Variants in LDB2 observed in about 807,000 individuals in gnomAD.
LDB2 encodes the protein LIM domain binding 2.
A neutral mutation model predicts 44.3 loss-of-function variants in LDB2; 12 were observed. That is an observed-to-expected ratio of 0.27 (90% CI 0.17 to 0.44). The LOEUF (loss-of-function observed/expected upper bound fraction) is 0.44. LDB2 is among the 20% of genes least tolerant of loss of function. The probability of loss-of-function intolerance (pLI) is 1.00; values close to 1 mark genes in which losing one functional copy is unlikely to be tolerated. For synonymous variants in LDB2, 164 were observed against 174.8 expected (o/e 0.94, Z 0.49); for missense variants, 344 against 473.5 (o/e 0.73, Z 2.54).
chr4:16,811,187 G>A (rs1260554429), intron 1 of LDB2, among the ~76,000 whole-genome samples: 1 of 152,194 alleles, frequency 6.6e-6, no homozygotes, highest in East Asian at 1.9e-4. Flanking sequence ...CATGGGATGT[G>A]CTTTGCACAC....
intron 2 of LDB2, among the ~76,000 whole-genome samples, chr4:16,709,232 T>C (rs1259221040): frequency 3.3e-5 from 5 of 152,200 alleles, no homozygotes; most frequent in East Asian, 1.9e-4. Flanking sequence ...TATTCAAATA[T>C]GGTAGATGAT....
chr4:16,674,641 T>C (rs1350815081), intron 2 of LDB2, among the ~76,000 whole-genome samples: 2 of 152,222 alleles, frequency 1.3e-5, no homozygotes, highest in Admixed American at 1.3e-4. Flanking sequence ...ATTCAAACAC[T>C]GGTCCGTCTG....
At position 16,733,517 on chromosome 4, in the gene LDB2, G is replaced by A. The variant is rs373034078; in HGVS notation, c.235+25641C>T. 3.1e-4 allele frequency among the ~76,000 whole-genome samples: 47 copies of A among 152,280 alleles called. No individual in the cohort carries two copies. In the East Asian group the frequency reaches 5.4e-3, roughly 18 times the overall value. On this transcript the variant is annotated intron_variant, in intron 2 of 7. Transcript: ENST00000304523. ...TCAGGATCTGGCTGCTGACATAGCA[G>A]GCAAGGGACTCTGGGTTACAAAACC...
intron 1 of LDB2, among the ~76,000 whole-genome samples, chr4:16,892,548 G>A (rs778075832): frequency 2.0e-4 from 31 of 152,224 alleles, no homozygotes; most frequent in South Asian, 4.2e-4. Context: ...ACTTCAAAAA[G>A]ACATTGTTTT....
chr4:16,872,388 A>C (rs1343877311), intron 1 of LDB2, among the ~76,000 whole-genome samples: 1 of 152,090 alleles, frequency 6.6e-6, no homozygotes, highest in Admixed American at 6.5e-5. Context: ...CATCCATAAC[A>C]TGAGTTACTG....
intron 2 of LDB2, among the ~76,000 whole-genome samples, chr4:16,641,744 A>G (rs1334155991): frequency 6.6e-6 from 1 of 152,154 alleles, no homozygotes; most frequent in African/African-American, 2.4e-5. Flanking sequence ...TCACATTTCA[A>G]CTTGAGATTT....
chr4:16,867,024 G>T (rs9992692), intron 1 of LDB2, among the ~76,000 whole-genome samples: 2 of 152,066 alleles, frequency 1.3e-5, no homozygotes, highest in African/African-American at 4.8e-5. Flanking sequence ...ATACCTTCAG[G>T]GACTAGGTGC....
chr4:16,827,403 A>G (rs1342300759), intron 1 of LDB2, among the ~76,000 whole-genome samples: 1 of 152,154 alleles, frequency 6.6e-6, no homozygotes, highest in Non-Finnish European at 1.5e-5. Flanking sequence ...TTGCTCTTAA[A>G]CGTATTCAGA....
At chr4:16,698,614 T>G (rs1353305875) in intron 2 of LDB2, among the ~76,000 whole-genome samples, 4 of 152,240 alleles carry the variant, frequency 2.6e-5, no homozygotes, top group African/African-American at 9.6e-5. Flanking sequence ...TTAATTTTTT[T>G]ATTTCTTTCT....
At position 16,540,148 on chromosome 4, in the gene LDB2, G is replaced by C. The variant is rs1733271527; in HGVS notation, c.616-28044C>G. On this transcript the variant is annotated intron_variant, in intron 5 of 7. Coordinates refer to ENST00000304523, the MANE Select transcript of LDB2 (RefSeq NM_001290.5). ...ACTCACTGCCAGGAGAACAGCAAGG[G>C]GGAAATATGCCTCCATGATCCAGTC... Among the ~76,000 whole-genome samples, 2 of 151,982 alleles carry C rather than the reference G, an allele frequency of 1.3e-5. 1 individual carries two copies. The highest frequency in any genetic ancestry group is 4.2e-4 in the South Asian group (2 of 4,806).
intron 2 of LDB2, among the ~76,000 whole-genome samples, chr4:16,749,759 A>G (rs1765124940): frequency 1.3e-5 from 2 of 152,034 alleles, no homozygotes; most frequent in Non-Finnish European, 2.9e-5. Context: ...CTAGATATTC[A>G]GACATCATGG....
At chr4:16,720,026 C>T (rs1242908298) in intron 2 of LDB2, among the ~76,000 whole-genome samples, 1 of 152,086 alleles carries the variant, frequency 6.6e-6, no homozygotes, top group Non-Finnish European at 1.5e-5. Context: ...TAAACTTCAA[C>T]TATTATAATC....
chr4:16,734,209 T>A (rs1160854304), intron 2 of LDB2, among the ~76,000 whole-genome samples: 1 of 152,194 alleles, frequency 6.6e-6, no homozygotes, highest in Non-Finnish European at 1.5e-5. Context: ...ACAGTGATGA[T>A]GGCTAATAAA....
intron 2 of LDB2, among the ~76,000 whole-genome samples, chr4:16,643,838 C>T (rs151158632): frequency 1.0e-3 from 156 of 152,140 alleles, no homozygotes; most frequent in African/African-American, 3.3e-3. Context: ...TATTATAATA[C>T]ATCATTTTAT....
At chr4:16,674,425 G>A in intron 2 of LDB2, 1 of 447,766 alleles carries the variant, frequency 2.2e-6, no homozygotes, top group East Asian at 7.0e-5. Flanking sequence ...GATAATTCAG[G>A]AGCACCCATC....
chr4:16,719,308 G>T (rs913141417), intron 2 of LDB2, among the ~76,000 whole-genome samples: 6 of 151,596 alleles, frequency 4.0e-5, no homozygotes, highest in Non-Finnish European at 8.8e-5. Context: ...GATTTTTTTT[G>T]TTTTAAAGAA....
intron 2 of LDB2, among the ~76,000 whole-genome samples, chr4:16,643,161 G>T (rs948289785): frequency 7.1e-6 from 1 of 139,876 alleles, no homozygotes; most frequent in Non-Finnish European, 1.6e-5. Flanking sequence ...TAACAGATAG[G>T]GATAAAAGTA....
chr4:16,723,825 C>T (rs1758843159), intron 2 of LDB2, among the ~76,000 whole-genome samples: 1 of 152,052 alleles, frequency 6.6e-6, no homozygotes. Context: ...AATGAGAGAG[C>T]CCTTCACTGA....
chr4:16,546,165 G>A (rs767281770), intron 5 of LDB2, among the ~76,000 whole-genome samples: 1 of 152,158 alleles, frequency 6.6e-6, no homozygotes, highest in Non-Finnish European at 1.5e-5. Context: ...CTTGGGATCA[G>A]TTTGATGCAC....
Sources: allele counts gnomAD v4.1 joint callset (sites outside exome capture counted in the v4.1 genomes callset), GRCh38; gene constraint gnomAD v4.1.1; transcripts MANE v1.5; gene names NCBI Gene and HGNC (gene_info 2026-07-23, HGNC 2026-07-21).